The following SLF1 variants were observed in gnomAD, a reference collection of about 807,000 sequenced individuals.
SLF1 encodes SMC5/6 complex localization factor 1, also known as SMC5-SMC6 complex localization factor protein 1.
A neutral mutation model predicts 123.0 loss-of-function variants in SLF1; 105 were observed. That is an observed-to-expected ratio of 0.85 (90% CI 0.73 to 1.00). The LOEUF (loss-of-function observed/expected upper bound fraction) is 1.00. SLF1 is among the 50% of genes least tolerant of loss of function. The pLI, the probability that SLF1 is intolerant of heterozygous loss-of-function variation, is 0.00. For missense variants in SLF1, 1,239 were observed against 1,223.0 expected, an observed-to-expected ratio of 1.01 and a Z score of -0.20; for synonymous variants, 434 against 406.6, an observed-to-expected ratio of 1.07 and a Z score of -0.81.
intron 5 of SLF1, among the ~76,000 whole-genome samples, chr5:94,645,830 CAGA>C (rs1373672890): frequency 6.6e-6 from 1 of 152,200 alleles, no homozygotes; most frequent in Non-Finnish European, 1.5e-5. Context: ...CTTCTGATCA[CAGA>C]AGAAGAGACA....
chr5:94,632,200 G>A (rs1745284637), intron 4 of SLF1, among the ~76,000 whole-genome samples: 1 of 152,054 alleles, frequency 6.6e-6, no homozygotes, highest in Admixed American at 6.6e-5. Flanking sequence ...AAAATCAATT[G>A]ACCATGTATG....
chr5:94,671,932 T>C (rs982309697), intron 14 of SLF1, among the ~76,000 whole-genome samples: 1 of 152,092 alleles, frequency 6.6e-6, no homozygotes, highest in Non-Finnish European at 1.5e-5. Flanking sequence ...TTGGTTAGTT[T>C]CTAATAGTGA....
At chr5:94,685,803 C>T (rs1752349569) in intron 15 of SLF1, among the ~76,000 whole-genome samples, 1 of 151,564 alleles carries the variant, frequency 6.6e-6, no homozygotes, top group Non-Finnish European at 1.5e-5. Flanking sequence ...CCACTGCACT[C>T]CAGCCTGGCA....
At chr5:94,634,324 T>G (rs1446067220) in intron 4 of SLF1, among the ~76,000 whole-genome samples, 2 of 152,148 alleles carry the variant, frequency 1.3e-5, no homozygotes, top group Admixed American at 1.3e-4. Flanking sequence ...CCCACCTCCA[T>G]CCAGCCTTTG....
chr5:94,657,883 G>A (rs143403474), intron 9 of SLF1, among the ~76,000 whole-genome samples: 32 of 152,034 alleles, frequency 2.1e-4, no homozygotes, highest in African/African-American at 5.5e-4. Flanking sequence ...TTTGGTTTCC[G>A]TTCTTGTGGA....
At chr5:94,683,679 A>C (rs1407354905) in intron 15 of SLF1, among the ~76,000 whole-genome samples, 2 of 152,188 alleles carry the variant, frequency 1.3e-5, no homozygotes, top group African/African-American at 4.8e-5. Flanking sequence ...GGCTGATGGG[A>C]AGAGAGGCCA....
chr5:94,689,703 C>T, intron 18 of SLF1, 97 bp downstream of exon 18: 1 of 1,114,368 alleles, frequency 9.0e-7, no homozygotes, highest in East Asian at 2.5e-5. Flanking sequence ...AATACTTGAA[C>T]TTAAATATTG....
Position 94,643,410 on chromosome 5 carries a change from A to G in SLF1, c.569A>G (p.Gln190Arg). 1 of 1,509,288 alleles carries G rather than the reference A, an allele frequency of 6.6e-7. No homozygotes were observed. Among genetic ancestry groups the G allele is most frequent in the Non-Finnish European group, 8.9e-7 (1 of 1,125,258 alleles). The allele number at this position is 1,509,288 out of a possible 1,614,324, so 93.5% of individuals were successfully genotyped here. The change falls in exon 5 of 21, where the codon CAG becomes CGG. Residue 190 changes from glutamine (Q) to arginine (R), a missense_variant. Physicochemically the swap from Gln to Arg is conservative, Grantham distance 43 (BLOSUM62 1). Coordinates refer to ENST00000265140, the MANE Select transcript of SLF1 (RefSeq NM_032290.4). ...TTTAAGGCTCCATTTTATCCAATTC[A>G]GTATCTAGGGGATTTTCTTTTAGAG... ...DNFKAPFYPI[Q>R]YLGDFLLEKE...
Position 94,663,891 on chromosome 5 carries a change from C to G in SLF1, c.1351C>G (p.Leu451Val), listed in dbSNP as rs1280503252. Residue 451 changes from leucine to valine, a missense_variant, in exon 11 of 21, where the codon CTA (leucine) becomes GTA (valine). Transcript: ENST00000265140. ...IPPVCVLHAL[L>V]ENVLQDNIDT... is the part of the protein sequence containing the mutation. The stretch of plus-strand genomic sequence containing the variant: ...TCCTGTATGCGTTCTTCATGCCCTT[C>G]TAGAGAACGTTCTACAGGTAAGAGC... 1.3e-6 allele frequency: 2 copies of G among 1,535,804 alleles called. No individual in the cohort carries two copies.
intron 15 of SLF1, among the ~76,000 whole-genome samples, chr5:94,680,477 G>A (rs1307527303): frequency 6.6e-6 from 1 of 151,966 alleles, no homozygotes; most frequent in Non-Finnish European, 1.5e-5. Flanking sequence ...ATCCTTTTCA[G>A]AAAACAGAAT....
At chr5:94,679,040 A>T (rs936237395) in intron 15 of SLF1, 85 bp downstream of exon 15, 3 of 1,468,050 alleles carry the variant, frequency 2.0e-6, no homozygotes, top group Non-Finnish European at 1.8e-6. Flanking sequence ...AAGCTTTAAC[A>T]TATGTTCATT....
At chr5:94,686,876 C>T (rs1752491244) in intron 16 of SLF1, among the ~76,000 whole-genome samples, 158 bp downstream of exon 16, 1 of 152,234 alleles carries the variant, frequency 6.6e-6, no homozygotes, top group African/African-American at 2.4e-5. Flanking sequence ...TAAGCTCCGC[C>T]TCCCGGGTGC....
intron 4 of SLF1, 118 bp from the exon 5 acceptor site, chr5:94,643,155 G>C: frequency 2.9e-6 from 2 of 689,108 alleles, no homozygotes; most frequent in Non-Finnish European, 4.6e-6. Flanking sequence ...ATTGCCCAAA[G>C]AAATTAGTCC....
chr5:94,631,732 A>G (rs1745217157), intron 4 of SLF1, among the ~76,000 whole-genome samples: 2 of 152,208 alleles, frequency 1.3e-5, no homozygotes, highest in African/African-American at 4.8e-5. Context: ...GTATTCATGC[A>G]GACATGTTTT....
intron 14 of SLF1, among the ~76,000 whole-genome samples, chr5:94,673,453 T>C (rs1750699839): frequency 6.6e-6 from 1 of 152,096 alleles, no homozygotes; most frequent in Non-Finnish European, 1.5e-5. Context: ...AGTGGAAGGA[T>C]TGCTTGCGGC....
chr5:94,695,360 T>C lies in SLF1; in HGVS notation c.*48T>C. On this transcript the variant is annotated 3_prime_UTR_variant, in exon 21 of 21. Transcript: ENST00000265140. ...ACTTTCTAAATCTGTTCAGTTTGCA[T>C]TGGTACTTACTGTGGACTTCATAGC... 6.5e-7 allele frequency: 1 copy of C among 1,546,552 alleles called. No individual in the cohort carries two copies. The highest frequency in any genetic ancestry group is 8.7e-7 in the Non-Finnish European group (1 of 1,146,704).
At chr5:94,688,760 C>T (rs1029675967) in intron 17 of SLF1, 91 bp downstream of exon 17, 3 of 1,420,422 alleles carry the variant, frequency 2.1e-6, no homozygotes, top group Non-Finnish European at 1.9e-6. Flanking sequence ...ATCTGTGATA[C>T]TGTCTGAATT....
At chr5:94,643,527 C>T in intron 5 of SLF1, 92 bp downstream of exon 5, 5 of 963,974 alleles carry the variant, frequency 5.2e-6, no homozygotes, top group Non-Finnish European at 7.0e-6. Flanking sequence ...AAGTTGTGTT[C>T]TAAATTTTGA....
chr5:94,691,609 A>T lies in SLF1; in HGVS notation c.2465A>T (p.Lys822Ile). Reference protein sequence around the residue: ...HRACINNQVEKLILLLSLPGI... With the variant: ...HRACINNQVEILILLLSLPGI... ...GCTTGCATAAATAACCAAGTGGAGA[A>T]ATTGATTCTTCTTCTCTCTTTGCCA... Residue 822 changes from lysine (K) to isoleucine (I), a missense_variant, in exon 19 of 21, where the codon AAA (lysine) becomes ATA (isoleucine). Lys to Ile is a moderately radical substitution (Grantham distance 102). Coordinates refer to ENST00000265140, the MANE Select transcript of SLF1 (RefSeq NM_032290.4). 6.2e-7 allele frequency: 1 copy of T among 1,611,458 alleles called. No homozygotes were observed. The highest frequency in any genetic ancestry group is 8.5e-7 in the Non-Finnish European group (1 of 1,179,392).
Sources: allele counts gnomAD v4.1 joint callset (sites outside exome capture counted in the v4.1 genomes callset), GRCh38; gene constraint gnomAD v4.1.1; transcripts MANE v1.5; gene names NCBI Gene and HGNC (gene_info 2026-07-23, HGNC 2026-07-21).